The following FRS2 variants were observed in gnomAD, a reference collection of about 807,000 sequenced individuals.
FRS2 encodes FGFR signalling adaptor.
In FRS2, 8 loss-of-function variants were observed where a neutral mutation model predicts 43.9. The ratio of observed to expected loss-of-function variants is 0.18; its 90% confidence interval spans 0.11 to 0.33. The LOEUF (loss-of-function observed/expected upper bound fraction) is 0.33. Among genes scored for constraint, FRS2 ranks in the 10% least tolerant of loss-of-function variants. FRS2 has a pLI of 1.00. For synonymous variants in FRS2, 219 were observed against 220.3 expected (o/e 0.99, Z 0.05); for missense variants, 534 against 627.6 (o/e 0.85, Z 1.59).
intron 3 of FRS2, among the ~76,000 whole-genome samples, chr12:69,535,600 T>C (rs1877195823): frequency 1.3e-5 from 2 of 152,208 alleles, no homozygotes; most frequent in Non-Finnish European, 2.9e-5. Context: ...CCACCTAGAA[T>C]ATGGCTAATT....
intron 8 of FRS2, among the ~76,000 whole-genome samples, chr12:69,573,098 G>A (rs1309813190): frequency 1.3e-5 from 2 of 152,214 alleles, no homozygotes; most frequent in Non-Finnish European, 2.9e-5. Flanking sequence ...CTCCCAAAGT[G>A]TTGGGATTAC....
At chr12:69,544,272 T>C (rs1878171264) in intron 3 of FRS2, among the ~76,000 whole-genome samples, 1 of 152,110 alleles carries the variant, frequency 6.6e-6, no homozygotes, top group Non-Finnish European at 1.5e-5. Flanking sequence ...CAGGGATGGT[T>C]CAACATATGA....
At chr12:69,547,332 G>A (rs887696231) in intron 3 of FRS2, among the ~76,000 whole-genome samples, 1 of 152,078 alleles carries the variant, frequency 6.6e-6, no homozygotes, top group Admixed American at 6.6e-5. Flanking sequence ...GTGGTGGGAT[G>A]TACCTGTGGT....
Position 69,571,282 on chromosome 12 carries a change from T to A in FRS2, c.260T>A (p.Phe87Tyr). ...TTTTGGTTTATATTTGTAGGAATCT[T>A]TGCCTTTAAGTGTGCCCGTGCAGAA... The part of the protein sequence containing the change: ...GRRCQTGQGI[F>Y]AFKCARAEEL... The change falls in exon 7 of 9, where the codon TTT becomes TAT. Residue 87 changes from phenylalanine to tyrosine, a missense_variant. By Grantham distance (22) the Phe-to-Tyr change is conservative. Around this residue, in one of 3 missense-constraint regions of FRS2, gnomAD observed 12 missense variants for 42.9 expected, o/e 0.28. Coordinates refer to ENST00000549921, the MANE Select transcript of FRS2 (RefSeq NM_001278356.2). 1.3e-6 allele frequency: 2 copies of A among 1,593,802 alleles called. No homozygotes were observed. The highest frequency in any genetic ancestry group is 1.7e-6 in the Non-Finnish European group (2 of 1,172,138).
Position 69,571,632 on chromosome 12 carries a change from C to T in FRS2, c.412+198C>T, listed in dbSNP as rs537229629. ...ATCCCAGCACTTTGGGAGGCTGAGG[C>T]GGGCAGATCACTAGGTCAGGAGATC... On this transcript the variant is annotated intron_variant, in intron 7 of 8. Transcript: ENST00000549921. 2.0e-5 allele frequency among the ~76,000 whole-genome samples: 3 copies of T among 152,230 alleles called. No homozygotes were observed. The South Asian group carries it at 6.2e-4, about 32-fold the overall frequency.
chr12:69,527,364 T>TTTTTTTTTTTTTC, intron 1 of FRS2, among the ~76,000 whole-genome samples: 1 of 143,002 alleles, frequency 7.0e-6, no homozygotes, highest in Admixed American at 7.1e-5. Context: ...TTTTTTTTTT[T>TTTTTTTTTTTTTC]AAAGAGACAA....
chr12:69,476,484 T>A (rs1332472504), intron 1 of FRS2, among the ~76,000 whole-genome samples: 1 of 152,190 alleles, frequency 6.6e-6, no homozygotes, highest in Non-Finnish European at 1.5e-5. Flanking sequence ...CCATTTCACT[T>A]CTTCTGCAGG....
intron 1 of FRS2, among the ~76,000 whole-genome samples, chr12:69,479,292 T>C (rs942285361): frequency 1.1e-4 from 16 of 152,118 alleles, no homozygotes; most frequent in African/African-American, 3.6e-4. Context: ...TGTTTTTTCT[T>C]TGTTCATTAT....
intron 1 of FRS2, among the ~76,000 whole-genome samples, chr12:69,526,837 C>T (rs1313797677): frequency 6.6e-6 from 1 of 152,068 alleles, no homozygotes; most frequent in Non-Finnish European, 1.5e-5. Flanking sequence ...GATTCTCCTG[C>T]CTCAGCCTCC....
intron 1 of FRS2, among the ~76,000 whole-genome samples, chr12:69,471,850 G>A (rs1870328606): frequency 6.6e-6 from 1 of 152,146 alleles, no homozygotes; most frequent in East Asian, 1.9e-4. Flanking sequence ...GGTTTATTCT[G>A]TAGTTTTTTG....
rs370493726 is a variant in FRS2, at chr12:69,572,282, G to T, written c.576+1G>T. ...TCCTTTGCTTGTGGCTGAGGAACAA[G>T]TAAGCATGTGCTACTGTGTAACAGC... On this transcript the variant is annotated splice_donor_variant, in intron 8 of 8. Transcript: ENST00000549921. LOFTEE classifies it high-confidence loss of function. The T allele has an allele frequency of 3.7e-6, 6 of 1,611,036 alleles. No homozygotes were observed. The highest frequency in any genetic ancestry group is 5.1e-6 in the Non-Finnish European group (6 of 1,177,434).
intron 3 of FRS2, among the ~76,000 whole-genome samples, chr12:69,548,156 G>A (rs1878581269): frequency 6.6e-6 from 1 of 152,140 alleles, no homozygotes; most frequent in Admixed American, 6.6e-5. Context: ...CCAAGCTCCT[G>A]TATTAATACT....
At chr12:69,480,886 C>T (rs751690420) in intron 1 of FRS2, among the ~76,000 whole-genome samples, 2 of 152,114 alleles carry the variant, frequency 1.3e-5, no homozygotes, top group Non-Finnish European at 2.9e-5. Flanking sequence ...TGGTGCCACG[C>T]CTTCTTGTCT....
chr12:69,477,981 T>C (rs1870991641), intron 1 of FRS2, among the ~76,000 whole-genome samples: 1 of 151,798 alleles, frequency 6.6e-6, no homozygotes, highest in African/African-American at 2.4e-5. Flanking sequence ...GACCTTGTGA[T>C]CCGCCCACCT....
intron 6 of FRS2, 142 bp from the exon 7 acceptor site, chr12:69,571,134 A>T (rs993325441): frequency 3.6e-6 from 2 of 558,908 alleles, no homozygotes; most frequent in African/African-American, 3.9e-5. Flanking sequence ...AATAATCATT[A>T]ATTTATCAGA....
intron 3 of FRS2, among the ~76,000 whole-genome samples, chr12:69,536,418 C>T (rs547063277): frequency 3.7e-4 from 56 of 151,760 alleles, no homozygotes; most frequent in African/African-American, 1.2e-3. Flanking sequence ...TCCCCGCACC[C>T]GGCCAGTATT....
At chr12:69,497,933 A>G (rs1873057481) in intron 1 of FRS2, among the ~76,000 whole-genome samples, 1 of 152,202 alleles carries the variant, frequency 6.6e-6, no homozygotes, top group Admixed American at 6.5e-5. Context: ...TTCAAATGGT[A>G]AGGTGATTAT....
intron 3 of FRS2, among the ~76,000 whole-genome samples, chr12:69,555,618 G>A (rs968452335): frequency 4.2e-4 from 64 of 152,148 alleles, no homozygotes; most frequent in African/African-American, 1.4e-3. Flanking sequence ...TTTGTGGGAT[G>A]CGAAATTTCC....
intron 3 of FRS2, among the ~76,000 whole-genome samples, chr12:69,550,575 CGGTGGA>C (rs1878787820): frequency 5.3e-5 from 8 of 152,156 alleles, no homozygotes; most frequent in African/African-American, 1.9e-4. Context: ...CCAGCCTGGG[CGGTGGA>C]GCAAGACCTG....
Sources: gnomAD v4.1 joint callset for allele counts (sites outside exome capture counted in the v4.1 genomes callset) on GRCh38, gnomAD v4.1.1 for gene constraint, gnomAD v4.1.1 regional missense constraint, MANE v1.5 for transcripts, NCBI Gene and HGNC (gene_info 2026-07-23, HGNC 2026-07-21) for gene names.